ACAN: variants seen among roughly 807,000 people sequenced by gnomAD.
ACAN encodes aggrecan core protein.
Under a neutral mutation model 169.1 loss-of-function variants are expected in ACAN, and 47 were observed. The ratio of observed to expected loss-of-function variants is 0.28; its 90% CI spans 0.22 to 0.35. The LOEUF is 0.35. Ranked by LOEUF, ACAN falls within the 10% of genes least tolerant of loss-of-function variation. ACAN has a pLI of 1.00. For missense variants in ACAN, 2,716 were observed against 2,759.9 expected (o/e 0.98, Z 0.36); for synonymous variants, 1,115 against 1,112.2 (o/e 1.00, Z -0.05).
intron 1 of ACAN, among the ~76,000 whole-genome samples, chr15:88,816,606 T>G (rs1451972259): frequency 6.6e-6 from 1 of 152,218 alleles, no homozygotes; most frequent in Non-Finnish European, 1.5e-5. Flanking sequence ...GACCAGGACT[T>G]GAACTCATGA....
chr15:88,849,237 C>A lies in ACAN; in HGVS notation c.1733-201C>A, dbSNP rs1396009310. Among the ~76,000 whole-genome samples the A allele has an allele frequency of 6.6e-6, 1 of 152,182 alleles. No homozygotes were observed. Among genetic ancestry groups the A allele is most frequent in the Non-Finnish European group, 1.5e-5 (1 of 68,036 alleles). On this transcript the variant is annotated intron_variant, in intron 9 of 18. Transcript: ENST00000560601. The surrounding 1 kb of genome is among the most constrained non-coding windows in gnomAD (Gnocchi z 5.1). ...GTCCTATGTACCGGGAAACCCCAGT[C>A]CAGTACAAACCAGAGCGGTGGTCAC...
Position 88,859,235 on chromosome 15 carries a change from T to A in ACAN, c.6650T>A (p.Ile2217Asn). Reference sequence around the variant, plus strand: ...CTGGGCGTTGTCATCAGCACCAGCATCCCAGAGTCTGAGTGGACCCAGCAG... The same window carrying A: ...CTGGGCGTTGTCATCAGCACCAGCAACCCAGAGTCTGAGTGGACCCAGCAG... ...SQLGVVISTS[I>N]PESEWTQQTQ... Residue 2217 changes from isoleucine to asparagine, a missense_variant, in exon 12 of 19, where the codon ATC becomes AAC. Ile to Asn is a moderately radical substitution (Grantham distance 149, BLOSUM62 -3). This residue lies in a region of ACAN where 1,389 missense variants were observed against 1,363.7 expected (regional missense o/e 1.02). Coordinates refer to ENST00000560601, the MANE Select transcript of ACAN (RefSeq NM_001369268.1). 1 of 1,613,884 alleles carries A rather than the reference T, an allele frequency of 6.2e-7. No individual in the cohort carries two copies. Among genetic ancestry groups the A allele is most frequent in the Non-Finnish European group, 8.5e-7 (1 of 1,179,880 alleles).
chr15:88,872,446 G>T lies in ACAN; in HGVS notation c.7302+361G>T, dbSNP rs535071609. ...GCCAAGTGAATGGTACGGGCACCCA[G>T]TGATTCTCTTTGTCCTGAAGCAAGG... is the stretch of plus-strand genomic sequence containing the variant. On this transcript the variant is annotated intron_variant, in intron 16 of 18. Transcript: ENST00000560601. This position sits in a 1 kb window ranked among gnomAD's most constrained non-coding sequence, Gnocchi z 5.4. Among the ~76,000 whole-genome samples, 3 of 152,274 alleles carry T rather than the reference G, an allele frequency of 2.0e-5. No individual in the cohort carries two copies. The South Asian group carries it at 6.2e-4, about 32-fold the overall frequency.
At position 88,845,722 on chromosome 15, in the gene ACAN, A is replaced by G. The variant is rs1004900421; in HGVS notation, c.1269A>G (p.Glu423=). 1.5e-5 allele frequency: 24 copies of G among 1,613,762 alleles called. No individual in the cohort carries two copies. The highest frequency in any genetic ancestry group is 3.3e-5 in the Admixed American group (2 of 59,998). Reference sequence around the variant, plus strand: ...AGGAGCCCTTCACGTTTGCCCCTGAAATAGGGGCCACTGCCTTCGCTGAGG... The same window carrying G: ...AGGAGCCCTTCACGTTTGCCCCTGAGATAGGGGCCACTGCCTTCGCTGAGG... ...EPEEPFTFAP[E]IGATAFAEVE... Residue 423 remains glutamate (E), a synonymous_variant, in exon 7 of 19, where the codon GAA becomes GAG. Coordinates refer to ENST00000560601, the MANE Select transcript of ACAN (RefSeq NM_001369268.1).
Position 88,873,860 on chromosome 15 carries a change from C to G in ACAN, c.7466C>G (p.Pro2489Arg). The change falls in exon 18 of 19, where the codon CCT becomes CGT. Residue 2489 changes from proline to arginine, a missense_variant. Transcript: ENST00000560601. The surrounding 1 kb of genome is among the most constrained non-coding windows in gnomAD (Gnocchi z 7.5). ...CCCTCAGTGGCCTGCGGAGAGCCCC[C>G]TGTGGTGGAGCATGCCAGGACCTTC... ...KKGTVACGEPPVVEHARTFGQ... is the reference protein window; with the variant it reads ...KKGTVACGEPRVVEHARTFGQ... 1 of 1,613,806 alleles carries G rather than the reference C, an allele frequency of 6.2e-7. No homozygotes were observed. The highest frequency in any genetic ancestry group is 1.7e-4 in the Middle Eastern group (1 of 6,048).
In ACAN at chr15:88,807,868, C is replaced by T. The variant is rs922973831; in HGVS notation, c.-8+4059C>T. ...CCCTCTCAATGGCCTTACAGTGTAT[C>T]CTAAAGAAGCTTTTTGTTAAACTCA... On this transcript the variant is annotated intron_variant, in intron 1 of 18. Coordinates refer to ENST00000560601, the MANE Select transcript of ACAN (RefSeq NM_001369268.1). The surrounding 1 kb of genome is among the most constrained non-coding windows in gnomAD (Gnocchi z 4.0). Among the ~76,000 whole-genome samples, 1 of 151,246 alleles carries T rather than the reference C, an allele frequency of 6.6e-6. No individual in the cohort carries two copies. The highest frequency in any genetic ancestry group is 2.4e-5 in the African/African-American group (1 of 41,094).
Position 88,843,601 on chromosome 15 carries a change from CG to C in ACAN, c.1007del (p.Gly336AlafsTer40). ...ACCGTCTACGTGCATGCCAACCAGACGGGCTACCCCGACCCCTCATCCCGCT... is the reference window on the plus strand; with the variant it reads ...ACCGTCTACGTGCATGCCAACCAGACGGCTACCCCGACCCCTCATCCCGCT... ...VRTVYVHANQ[T>X]GYPDPSSRYD... On this transcript the variant is annotated frameshift_variant, in exon 6 of 19. Coordinates refer to ENST00000560601, the MANE Select transcript of ACAN (RefSeq NM_001369268.1). LOFTEE classifies it high-confidence loss of function. This position sits in a 1 kb window ranked among gnomAD's most constrained non-coding sequence, Gnocchi z 4.0. 6.3e-7 allele frequency: 1 copy of C among 1,598,654 alleles called. No homozygotes were observed. The highest frequency in any genetic ancestry group is 1.1e-5 in the South Asian group (1 of 90,588).
At chr15:88,810,390 G>A (rs1895791681) in intron 1 of ACAN, among the ~76,000 whole-genome samples, 2 of 152,098 alleles carry the variant, frequency 1.3e-5, no homozygotes, top group South Asian at 2.1e-4. Context: ...AACGTGTAAG[G>A]CAAGTCAGAG....
At chr15:88,835,651 CCAAAGGGAAGAAAAAGCAATGTTCTAGCT>C (rs1896484020) in intron 1 of ACAN, among the ~76,000 whole-genome samples, 2 of 152,112 alleles carry the variant, frequency 1.3e-5, no homozygotes, top group Non-Finnish European at 2.9e-5. Context: ...CAATTCAAGT[CCAAAGGGAAGAAAAAGCAATGTTCTAGCT>C]CAAAGGCCAT....
chr15:88,817,006 C>T (rs1362278486), intron 1 of ACAN, among the ~76,000 whole-genome samples: 1 of 152,214 alleles, frequency 6.6e-6, no homozygotes, highest in African/African-American at 2.4e-5. Flanking sequence ...TTTCCTTCCC[C>T]TTCTATCCCC....
chr15:88,857,120 GAGA>G lies in ACAN; in HGVS notation c.4538_4540del (p.Glu1513del). On this transcript the variant is annotated inframe_deletion, in exon 12 of 19. Transcript: ENST00000560601. ...GAGGATGTCAGTGAACTTCCTTCAG[GAGA>G]AGGTCTAGAGACCTCTGCTTCTGGA... 8.1e-6 allele frequency: 13 copies of G among 1,606,972 alleles called. No individual in the cohort carries two copies. Among genetic ancestry groups the G allele is most frequent in the Non-Finnish European group, 1.1e-5 (13 of 1,175,498 alleles).
intron 1 of ACAN, among the ~76,000 whole-genome samples, chr15:88,805,422 A>G (rs1229736116): frequency 1.3e-5 from 2 of 152,252 alleles, no homozygotes; most frequent in Non-Finnish European, 1.5e-5. Flanking sequence ...AAAAAGTTTC[A>G]GAAGAAGGAA....
At chr15:88,829,696 A>G (rs527390562) in intron 1 of ACAN, among the ~76,000 whole-genome samples, 2 of 152,284 alleles carry the variant, frequency 1.3e-5, no homozygotes, top group African/African-American at 4.8e-5. Flanking sequence ...TTTCGAATCC[A>G]TCTTCTAGGA....
rs543112376 is a variant in ACAN at position 88,848,591 on chromosome 15, C to T, written c.1732+553C>T. ...ATTTAAAAAGAAAGAAAAAGAAAAA[C>T]TTCCTTAACTCTCTTTAACTCAGCA... On this transcript the variant is annotated intron_variant, in intron 9 of 18. Transcript: ENST00000560601. Among the ~76,000 whole-genome samples the T allele has an allele frequency of 2.6e-4, 40 of 152,316 alleles. No homozygotes were observed. The South Asian group carries it at 8.3e-3, about 32-fold the overall frequency.
chr15:88,828,381 G>A (rs7173022), intron 1 of ACAN, among the ~76,000 whole-genome samples: 20,022 of 151,940 alleles, frequency 0.13, 3,267 homozygotes, highest in African/African-American at 0.39. Flanking sequence ...GTCATTTCTC[G>A]GTTTCTTATT....
chr15:88,846,638 TAA>T (rs1203844192), intron 7 of ACAN, among the ~76,000 whole-genome samples: 1 of 152,112 alleles, frequency 6.6e-6, no homozygotes, highest in Non-Finnish European at 1.5e-5. Context: ...AATACAACAA[TAA>T]AAGTAATACA....
rs370993153 is a variant in ACAN at position 88,841,759 on chromosome 15, C to G, written c.649C>G (p.Arg217Gly). The change falls in exon 5 of 19, where the codon CGG becomes GGG. Residue 217 changes from arginine to glycine, a missense_variant. By Grantham distance (125) the Arg-to-Gly change is moderately radical (BLOSUM62 -2). This residue lies in a region of ACAN where 1,283 missense variants were observed against 1,281.5 expected (regional missense o/e 1.00). Transcript: ENST00000560601. Reference protein sequence around the residue: ...QTVRYPIHTPREGCYGDKDEF... With the variant: ...QTVRYPIHTPGEGCYGDKDEF... Reference sequence around the variant, plus strand: ...TGGCAGATACCCCATCCACACTCCCCGGGAAGGCTGCTATGGAGACAAGGA... The same window carrying G: ...TGGCAGATACCCCATCCACACTCCCGGGGAAGGCTGCTATGGAGACAAGGA... 1.2e-6 allele frequency: 2 copies of G among 1,613,802 alleles called. No homozygotes were observed. The highest frequency in any genetic ancestry group is 2.2e-5 in the East Asian group (1 of 44,870).
chr15:88,823,727 T>A (rs1363577430), intron 1 of ACAN, among the ~76,000 whole-genome samples: 1 of 152,120 alleles, frequency 6.6e-6, no homozygotes, highest in African/African-American at 2.4e-5. Flanking sequence ...CCCAGCCTCT[T>A]GGAGATGCAG....
At chr15:88,830,277 G>A (rs553604343) in intron 1 of ACAN, among the ~76,000 whole-genome samples, 160 of 152,296 alleles carry the variant, frequency 1.1e-3, no homozygotes, top group Non-Finnish European at 1.8e-3. Context: ...AAAGAAAAGT[G>A]CTCATTATCC....
Sources: gnomAD v4.1 joint callset for allele counts (sites outside exome capture counted in the v4.1 genomes callset) on GRCh38, gnomAD v4.1.1 for gene constraint, gnomAD v4.1.1 regional missense constraint, Gnocchi (gnomAD v3.1) non-coding constraint, MANE v1.5 for transcripts, NCBI Gene and HGNC (gene_info 2026-07-23, HGNC 2026-07-21) for gene names.